Variants in ELK4 observed in about 807,000 individuals in gnomAD.
ELK4 encodes the protein ETS domain-containing protein Elk-4.
In ELK4, 16 loss-of-function variants were observed where a neutral mutation model predicts 29.6. The observed-to-expected ratio is 0.54, with a 90% CI of 0.37 to 0.82. The LOEUF is 0.82. ELK4 is among the 40% of genes least tolerant of loss of function. The pLI is 0.00. For missense variants in ELK4, 465 were observed against 507.1 expected (o/e 0.92, Z 0.80); for synonymous variants, 213 against 191.1 (o/e 1.11, Z -0.95).
Position 205,620,342 on chromosome 1 carries a change from G to A in ELK4, c.704C>T (p.Ser235Phe), listed in dbSNP as rs368577329. ...LETLVSPKLPSLEAPTSASNV... is the reference protein window; with the variant it reads ...LETLVSPKLPFLEAPTSASNV... The stretch of plus-strand genomic sequence containing the variant: ...AGAGGCAGAGGTTGGGGCTTCCAGG[G>A]AAGGCAGTTTTGGGGAAACCAATGT... The change falls in exon 3 of 5, where the codon TCC becomes TTC. Residue 235 changes from serine (S) to phenylalanine (F), a missense_variant. By Grantham distance (155) the Ser-to-Phe change is radical. This residue lies in a region of ELK4 where 385 missense variants were observed against 387.5 expected (regional missense o/e 0.99). Coordinates refer to ENST00000357992, the MANE Select transcript of ELK4 (RefSeq NM_001973.4). 3 of 1,614,078 alleles carry A rather than the reference G, an allele frequency of 1.9e-6. No homozygotes were observed. The African/African-American group carries it at 4.0e-5, about 22-fold the overall frequency.
chr1:205,629,241 T>C (rs764453301), intron 1 of ELK4, among the ~76,000 whole-genome samples: 7 of 151,908 alleles, frequency 4.6e-5, no homozygotes, highest in Non-Finnish European at 1.0e-4. Context: ...GAAATGAATT[T>C]TGAGAAAAAG....
chr1:205,628,176 T>C (rs1314682614), intron 1 of ELK4, among the ~76,000 whole-genome samples: 1 of 152,168 alleles, frequency 6.6e-6, no homozygotes, highest in African/African-American at 2.4e-5. Context: ...GGGGCTAAAA[T>C]AGCGGTTTTA....
chr1:205,630,131 T>G (rs1670551937), intron 1 of ELK4, among the ~76,000 whole-genome samples: 1 of 152,118 alleles, frequency 6.6e-6, no homozygotes, highest in Non-Finnish European at 1.5e-5. Context: ...TTGATTTTCC[T>G]TCTTACAGGA....
At chr1:205,621,210 A>G (rs928953870) in intron 2 of ELK4, among the ~76,000 whole-genome samples, 5 of 151,210 alleles carry the variant, frequency 3.3e-5, no homozygotes, top group African/African-American at 9.7e-5. Flanking sequence ...AAAAAAAAAA[A>G]AAAAAAAAAG....
At chr1:205,619,684 G>C (rs751833648) in intron 3 of ELK4, 1 of 1,414,072 alleles carries the variant, frequency 7.1e-7, no homozygotes. Context: ...GACCGAGAGA[G>C]AGCGAGAGAG....
rs1670130077 is a variant in ELK4, at chr1:205,610,095, A to AC, written c.*6450dup. The AC allele has an allele frequency of 4.3e-6, 1 of 232,000 alleles. No individual in the cohort carries two copies. Among genetic ancestry groups the AC allele is most frequent in the Non-Finnish European group, 8.5e-6 (1 of 117,348 alleles). 14.4% of individuals were successfully genotyped at this position (232,000 alleles called of 1,614,324 possible). A position where few individuals can be genotyped will look rare whatever the true frequency, so the allele number is the denominator to read the frequency against. On this transcript the variant is annotated 3_prime_UTR_variant, in exon 5 of 5. Transcript: ENST00000357992. Reference sequence around the variant, plus strand: ...ATTAACACCAATATATGGCATTCCCACCCCTGAACTTTAGGCATTCTTGAA... The same window carrying AC: ...ATTAACACCAATATATGGCATTCCCACCCCCTGAACTTTAGGCATTCTTGAA...
intron 2 of ELK4, among the ~76,000 whole-genome samples, chr1:205,622,118 G>A (rs1173296624): frequency 6.6e-6 from 1 of 152,074 alleles, no homozygotes; most frequent in Non-Finnish European, 1.5e-5. Flanking sequence ...GGAGGCTGAG[G>A]CAGGTGAATC....
chr1:205,629,959 C>T (rs1169583344), intron 1 of ELK4, among the ~76,000 whole-genome samples: 2 of 151,778 alleles, frequency 1.3e-5, no homozygotes, highest in Non-Finnish European at 2.9e-5. Flanking sequence ...GGAGAATGGC[C>T]GGGAGATGGA....
rs1670592065 is a variant in ELK4, at chr1:205,631,616, G to A, written c.-10+16C>T. ...GCCGCGAGATCCCGAGGGGGCGCGC[G>A]GGGCTGACCGCTCACCGACGCCGCG... On this transcript the variant is annotated intron_variant, in intron 1 of 4. Transcript: ENST00000357992. 3.7e-6 allele frequency: 1 copy of A among 273,056 alleles called. No individual in the cohort carries two copies. Among genetic ancestry groups the A allele is most frequent in the Non-Finnish European group, 7.5e-6 (1 of 132,684 alleles). The allele number at this position is 273,056 out of a possible 1,614,324, so 16.9% of individuals were successfully genotyped here. A position where few individuals can be genotyped will look rare whatever the true frequency, so the allele number is the denominator to read the frequency against.
intron 1 of ELK4, among the ~76,000 whole-genome samples, chr1:205,630,241 G>T (rs2102388184): frequency 6.6e-6 from 1 of 152,196 alleles, no homozygotes; most frequent in East Asian, 1.9e-4. Flanking sequence ...TTTTTGAGGG[G>T]GTAAAGGCTG....
chr1:205,625,747 G>T (rs1670442187), intron 1 of ELK4: 1 of 670,856 alleles, frequency 1.5e-6, no homozygotes, highest in Non-Finnish European at 2.7e-6. Context: ...GGCGCAATCT[G>T]GGCTCACTGC....
intron 3 of ELK4, chr1:205,619,316 GT>G: frequency 1.9e-6 from 2 of 1,063,100 alleles, no homozygotes; most frequent in Non-Finnish European, 2.3e-6. Flanking sequence ...GGTACAAGTG[GT>G]TTTTGGTTAC....
chr1:205,625,452 C>G, intron 1 of ELK4: 1 of 615,156 alleles, frequency 1.6e-6, no homozygotes, highest in Non-Finnish European at 3.0e-6. Flanking sequence ...GTTCCTTCAG[C>G]CCAGCCTAGT....
chr1:205,617,129 A>G (rs533803246), intron 4 of ELK4, among the ~76,000 whole-genome samples: 1 of 152,332 alleles, frequency 6.6e-6, no homozygotes, highest in South Asian at 2.1e-4. Flanking sequence ...AAGCTACAGG[A>G]GCACTATGAC....
intron 1 of ELK4, chr1:205,625,553 G>A (rs992952995): frequency 1.2e-6 from 1 of 839,832 alleles, no homozygotes; most frequent in Non-Finnish European, 2.1e-6. Flanking sequence ...AGACTGGAAA[G>A]AAATACCCGG....
chr1:205,631,594 G>C (rs899776179), intron 1 of ELK4, 38 bp downstream of exon 1: 1 of 191,032 alleles, frequency 5.2e-6, no homozygotes, highest in African/African-American at 2.4e-5. Context: ...GGCTGTGGCC[G>C]CGAGATCCCG....
At position 205,614,032 on chromosome 1, in the gene ELK4, T is replaced by C. The variant is rs2102374386; in HGVS notation, c.*2514A>G. 1 of 225,108 alleles carries C rather than the reference T, an allele frequency of 4.4e-6. No individual in the cohort carries two copies. The highest frequency in any genetic ancestry group is 5.7e-5 in the Admixed American group (1 of 17,538). 13.9% of individuals were successfully genotyped at this position (225,108 alleles called of 1,614,324 possible). On this transcript the variant is annotated 3_prime_UTR_variant, in exon 5 of 5. Coordinates refer to ENST00000357992, the MANE Select transcript of ELK4 (RefSeq NM_001973.4). The stretch of plus-strand genomic sequence containing the variant: ...TCTGCCTCATACACCTGCAGTAAGG[T>C]TGTAAACTTTGACTTAAAAAAGGAT...
chr1:205,629,170 C>CAAAAA (rs61374496), intron 1 of ELK4, among the ~76,000 whole-genome samples: 98 of 92,190 alleles, frequency 1.1e-3, no homozygotes, highest in African/African-American at 2.9e-3. Flanking sequence ...GACTACGTCT[C>CAAAAA]AAAAAAAAAA....
At chr1:205,631,140 G>A (rs1197516046) in intron 1 of ELK4, among the ~76,000 whole-genome samples, 1 of 152,230 alleles carries the variant, frequency 6.6e-6, no homozygotes, top group East Asian at 1.9e-4. Context: ...AGGGGCGGGG[G>A]GCCGCTGGAG....
Sources: gnomAD v4.1 joint callset for allele counts (sites outside exome capture counted in the v4.1 genomes callset) on GRCh38, gnomAD v4.1.1 for gene constraint, gnomAD v4.1.1 regional missense constraint, MANE v1.5 for transcripts, NCBI Gene and HGNC (gene_info 2026-07-23, HGNC 2026-07-21) for gene names.